Variants in ANKRD36 observed in about 807,000 individuals in gnomAD.
ANKRD36 encodes the protein ankyrin repeat domain-containing protein 36A.
A neutral mutation model predicts 278.1 loss-of-function variants in ANKRD36; 179 were observed. The observed-to-expected ratio is 0.64, with a 90% confidence interval of 0.57 to 0.73. The LOEUF is 0.73. Ranked by LOEUF, ANKRD36 falls within the 30% of genes least tolerant of loss-of-function variation. The pLI is 0.00. For synonymous variants in ANKRD36, 320 were observed against 641.1 expected (o/e 0.50, Z 7.57); for missense variants, 1,159 against 1,956.7 (o/e 0.59, Z 7.69).
chr2:97,208,275 A>G (rs1383330158), intron 54 of ANKRD36, among the ~76,000 whole-genome samples: 1 of 146,836 alleles, frequency 6.8e-6, no homozygotes, highest in Non-Finnish European at 1.5e-5. Context: ...GGGGAACAAC[A>G]TAATTTTGCT....
rs1281907293 is a variant in ANKRD36 at position 97,211,710 on chromosome 2, G to C, written c.3438G>C (p.Thr1146=). ...AAGATTCTGTTCCGAATATGGCCAC[G>C]GAAAAAAAGGATGAACAAATATCTG... ...DKEDSVPNMA[T]EKKDEQISGT... Residue 1146 remains threonine, a synonymous_variant, in exon 58 of 76, where the codon ACG becomes ACC. Transcript: ENST00000420699. The C allele has an allele frequency of 3.8e-6, 6 of 1,589,154 alleles. 1 individual carries two copies. The South Asian group carries it at 5.7e-5, about 15-fold the overall frequency.
At chr2:97,159,805 C>T (rs151102955) in intron 17 of ANKRD36, among the ~76,000 whole-genome samples, 5 of 115,598 alleles carry the variant, frequency 4.3e-5, no homozygotes, top group Non-Finnish European at 9.2e-5. Flanking sequence ...TTTTTTGAGA[C>T]GGAGTCTCGC....
chr2:97,150,785 A>G (rs1365354131), intron 12 of ANKRD36, among the ~76,000 whole-genome samples: 17 of 150,612 alleles, frequency 1.1e-4, no homozygotes, highest in South Asian at 2.1e-4. Context: ...ATGTTCTATT[A>G]AATACCTTTT....
chr2:97,187,792 T>C (rs1027324334), intron 32 of ANKRD36, among the ~76,000 whole-genome samples: 3 of 151,752 alleles, frequency 2.0e-5, no homozygotes, highest in African/African-American at 7.3e-5. Flanking sequence ...GACAGAAAAC[T>C]GATAGTAATA....
intron 6 of ANKRD36, among the ~76,000 whole-genome samples, chr2:97,137,457 A>AT (rs922319977): frequency 8.1e-5 from 12 of 148,974 alleles, no homozygotes; most frequent in East Asian, 5.9e-4. Flanking sequence ...AGCCTGCATG[A>AT]TTTTTTTTTT....
chr2:97,187,494 G>GGGT, intron 32 of ANKRD36, 93 bp downstream of exon 32: 16 of 95,510 alleles, frequency 1.7e-4, no homozygotes, highest in South Asian at 5.5e-4. Context: ...GGGTGGGGGG[G>GGGT]CTCGCCGAAG....
At chr2:97,136,774 G>A (rs563645027) in intron 6 of ANKRD36, among the ~76,000 whole-genome samples, 18 of 151,964 alleles carry the variant, frequency 1.2e-4, no homozygotes, top group African/African-American at 4.3e-4. Context: ...AGCTGCACCT[G>A]GTTCATTTGT....
chr2:97,123,124 T>C (rs926075327), intron 4 of ANKRD36, 131 bp downstream of exon 4: 1 of 736,658 alleles, frequency 1.4e-6, no homozygotes, highest in Admixed American at 3.5e-5. Context: ...TAGTGAGAAA[T>C]AACACAGATC....
At chr2:97,224,436 G>GTTTTTTTTTTT (rs1457069314) in intron 66 of ANKRD36, among the ~76,000 whole-genome samples, 4 of 142,464 alleles carry the variant, frequency 2.8e-5, no homozygotes, top group Admixed American at 7.6e-5. Context: ...CTATCGTTTT[G>GTTTTTTTTTTT]TTTTTTTGTT....
At chr2:97,130,432 A>G (rs1212516957) in intron 6 of ANKRD36, among the ~76,000 whole-genome samples, 3 of 116,998 alleles carry the variant, frequency 2.6e-5, no homozygotes, top group Admixed American at 1.2e-4. Flanking sequence ...AACATCACAC[A>G]CCGGGGACTG....
intron 66 of ANKRD36, among the ~76,000 whole-genome samples, chr2:97,221,777 G>A (rs1223135962): frequency 6.7e-6 from 1 of 148,350 alleles, no homozygotes; most frequent in East Asian, 2.1e-4. Context: ...AAGCTCTTTA[G>A]TTTAATTAGA....
rs2075035580 is a variant in ANKRD36, at chr2:97,243,991, G to T, written c.4453G>T (p.Glu1485Ter). The T allele has an allele frequency of 6.3e-7, 1 of 1,598,730 alleles. No individual in the cohort carries two copies. The highest frequency in any genetic ancestry group is 1.1e-5 in the South Asian group (1 of 89,376). ...AATTAAACCGGCTCTCAAATCAGCA[G>T]AGGTGGAATTGAAGACAGGAGGAAA... ...KPIKPALKSA[E>*]VELKTGGNNS... is the part of the protein sequence containing the mutation. Residue 1485 changes from glutamate to a stop codon, truncating the protein, a stop_gained, in exon 70 of 76, where the codon GAG (glutamate) becomes TAG (stop). Transcript: ENST00000420699. LOFTEE classifies it high-confidence loss of function.
At position 97,158,661 on chromosome 2, in the gene ANKRD36, T is replaced by C. The variant is rs1368838402; in HGVS notation, c.1389+6T>C. On this transcript the variant is annotated splice_donor_region_variant and intron_variant, in intron 17 of 75. Coordinates refer to ENST00000420699, the MANE Select transcript of ANKRD36 (RefSeq NM_001354587.1). ...AAGACCAAAATGTTGATAAGGTAAATGAAGATGTGGTTAAAAGCCAACATA... is the reference window on the plus strand; with the variant it reads ...AAGACCAAAATGTTGATAAGGTAAACGAAGATGTGGTTAAAAGCCAACATA... 6.5e-7 allele frequency: 1 copy of C among 1,536,054 alleles called. No homozygotes were observed. Among genetic ancestry groups the C allele is most frequent in the Non-Finnish European group, 8.7e-7 (1 of 1,146,498 alleles).
At chr2:97,179,689 C>G in intron 22 of ANKRD36, 49 bp from the exon 23 acceptor site, 6 of 1,591,080 alleles carry the variant, frequency 3.8e-6, no homozygotes, top group Non-Finnish European at 5.1e-6. Flanking sequence ...GTATGGATAA[C>G]ATTATCATAT....
At chr2:97,205,857 G>A in intron 50 of ANKRD36, 83 bp from the exon 51 acceptor site, 2 of 1,459,328 alleles carry the variant, frequency 1.4e-6, no homozygotes, top group African/African-American at 2.8e-5. Context: ...GGAGGACAGA[G>A]GTTGATGCTA....
At chr2:97,207,735 G>C in intron 52 of ANKRD36, 76 bp from the exon 53 acceptor site, 8 of 1,536,960 alleles carry the variant, frequency 5.2e-6, no homozygotes, top group Non-Finnish European at 7.0e-6. Context: ...AGAGGTTGAT[G>C]CTAACACTGT....
At chr2:97,180,284 C>T (rs11682519) in intron 24 of ANKRD36, among the ~76,000 whole-genome samples, 82,389 of 151,410 alleles carry the variant, frequency 0.54, 28,913 homozygotes, top group Non-Finnish European at 0.78. Flanking sequence ...TTATAGGCAT[C>T]GTATCATATT....
chr2:97,215,820 G>A, intron 62 of ANKRD36: 3 of 620,242 alleles, frequency 4.8e-6, no homozygotes, highest in Non-Finnish European at 8.4e-6. Context: ...AGGAGAAAGA[G>A]ATGAAGTAAT....
chr2:97,199,555 G>C (rs2060723669), intron 44 of ANKRD36, among the ~76,000 whole-genome samples: 1 of 151,928 alleles, frequency 6.6e-6, no homozygotes, highest in Non-Finnish European at 1.5e-5. Context: ...ATATTGCAGT[G>C]ATTTCTGAAT....
Sources: allele counts gnomAD v4.1 joint callset (sites outside exome capture counted in the v4.1 genomes callset), GRCh38; gene constraint gnomAD v4.1.1; transcripts MANE v1.5; gene names NCBI Gene and HGNC (gene_info 2026-07-23, HGNC 2026-07-21).